The following MYO5A variants were observed in gnomAD, a reference collection of about 807,000 sequenced individuals.
MYO5A encodes myosin VA.
MYO5A carries 98 observed loss-of-function variants against 249.7 expected under a neutral mutation model. The ratio of observed to expected loss-of-function variants is 0.39; its 90% CI spans 0.33 to 0.46. MYO5A has a LOEUF of 0.46. Ranked by LOEUF, MYO5A falls within the 20% of genes least tolerant of loss-of-function variation. The probability of loss-of-function intolerance (pLI) is 0.98; values close to 1 mark genes in which losing one functional copy is unlikely to be tolerated. For missense variants in MYO5A, 1,696 were observed against 2,308.8 expected, an observed-to-expected ratio of 0.73 and a Z score of 5.44; for synonymous variants, 778 against 810.6, an observed-to-expected ratio of 0.96 and a Z score of 0.68.
rs769183740 is a variant in MYO5A, at chr15:52,351,492, A to T, written c.3622-11T>A. 5 of 1,612,176 alleles carry T rather than the reference A, an allele frequency of 3.1e-6. No homozygotes were observed. In the East Asian group the frequency reaches 6.7e-5, roughly 22 times the overall value. ...TTCTAGTTCTTGACGCTGTATGAAA[A>T]GACAAAGAAAAGTTCATTGCTGTCA... On this transcript the variant is annotated splice_polypyrimidine_tract_variant and intron_variant, in intron 27 of 41. Transcript: ENST00000399233.
intron 16 of MYO5A, among the ~76,000 whole-genome samples, chr15:52,382,561 A>G (rs1278175063): frequency 6.6e-6 from 1 of 152,196 alleles, no homozygotes; most frequent in South Asian, 2.1e-4. Flanking sequence ...AGAAGAGTGA[A>G]ACTCTATCTC....
intron 1 of MYO5A, among the ~76,000 whole-genome samples, chr15:52,450,020 C>T (rs778508633): frequency 1.1e-4 from 16 of 152,036 alleles, no homozygotes; most frequent in Non-Finnish European, 1.8e-4. Context: ...AAATTGAATT[C>T]AGGCTCAGGC....
intron 14 of MYO5A, among the ~76,000 whole-genome samples, chr15:52,385,574 A>T (rs115177602): frequency 0.015 from 2,207 of 149,742 alleles, 16 homozygotes; most frequent in Middle Eastern, 0.024. Flanking sequence ...ATATATATAT[A>T]TATTTTTTTA....
In MYO5A at chr15:52,512,153, A is replaced by T. The variant is rs528930559; in HGVS notation, c.27+16627T>A. On this transcript the variant is annotated intron_variant, in intron 1 of 41. Transcript: ENST00000399233. The stretch of plus-strand genomic sequence containing the variant: ...ACTCCAGCCTAGGCGACAGAGCAAG[A>T]CTGTCTCAAAAAAAAAAAAAAAAAA... Among the ~76,000 whole-genome samples, 96 of 143,046 alleles carry T rather than the reference A, an allele frequency of 6.7e-4. 1 individual carries two copies. The highest frequency in any genetic ancestry group is 2.3e-4 in the Non-Finnish European group (15 of 65,950). The allele number at this position is 143,046 out of a possible 152,430, so 93.8% of individuals were successfully genotyped here. A position where few individuals can be genotyped will look rare whatever the true frequency, so the allele number is the denominator to read the frequency against.
In MYO5A at chr15:52,312,954, T is replaced by C. The variant is rs958756189; in HGVS notation, c.*742A>G. The C allele has an allele frequency of 6.5e-6, 1 of 152,678 alleles. No individual in the cohort carries two copies. Among genetic ancestry groups the C allele is most frequent in the African/African-American group, 2.4e-5 (1 of 41,470 alleles). The allele number at this position is 152,678 out of a possible 1,614,324, so 9.5% of individuals were successfully genotyped here. A position where few individuals can be genotyped will look rare whatever the true frequency, so the allele number is the denominator to read the frequency against. On this transcript the variant is annotated 3_prime_UTR_variant, in exon 42 of 42. Transcript: ENST00000399233. ...GCAGGTGAATCTGTAGGTATTTGCA[T>C]ATAATCCAGTTAAAACTGTGATCTG...
chr15:52,320,968 G>A (rs1259475131), intron 38 of MYO5A, among the ~76,000 whole-genome samples: 1 of 151,272 alleles, frequency 6.6e-6, no homozygotes, highest in East Asian at 1.9e-4. Context: ...AGCTGAGATC[G>A]CGCCACTGCA....
chr15:52,489,283 G>A lies in MYO5A; in HGVS notation c.27+39497C>T, dbSNP rs188835082. On this transcript the variant is annotated intron_variant, in intron 1 of 41. Transcript: ENST00000399233. ...AATAAATTTAAAACCTCTCTGCATC[G>A]GCTGGGCGCGGTGGCTCATGCCTGT... is the stretch of plus-strand genomic sequence containing the variant. Among the ~76,000 whole-genome samples, 9 of 152,286 alleles carry A rather than the reference G, an allele frequency of 5.9e-5. No homozygotes were observed. In the East Asian group the frequency reaches 1.2e-3, roughly 20 times the overall value.
chr15:52,375,266 A>G, intron 20 of MYO5A, 38 bp downstream of exon 20: 1 of 1,608,778 alleles, frequency 6.2e-7, no homozygotes, highest in Non-Finnish European at 8.5e-7. Flanking sequence ...GGTTAATGCT[A>G]ATAGAATGAA....
intron 1 of MYO5A, among the ~76,000 whole-genome samples, chr15:52,478,446 T>C (rs1014538171): frequency 3.9e-5 from 6 of 152,094 alleles, no homozygotes; most frequent in African/African-American, 1.4e-4. Context: ...CAAGCCCCAG[T>C]GAGATGAACC....
At chr15:52,506,526 C>CAA (rs35101614) in intron 1 of MYO5A, among the ~76,000 whole-genome samples, 4 of 118,290 alleles carry the variant, frequency 3.4e-5, no homozygotes, top group African/African-American at 3.2e-5. Flanking sequence ...GACCCTTTCT[C>CAA]AAAAAAAAAA....
intron 25 of MYO5A, among the ~76,000 whole-genome samples, chr15:52,358,027 C>T (rs950357429): frequency 6.6e-6 from 1 of 152,144 alleles, no homozygotes; most frequent in Non-Finnish European, 1.5e-5. Flanking sequence ...TGTGAGAAAG[C>T]TTGACAGCAG....
intron 11 of MYO5A, among the ~76,000 whole-genome samples, chr15:52,394,995 T>A (rs2042422625): frequency 6.6e-6 from 1 of 152,256 alleles, no homozygotes; most frequent in African/African-American, 2.4e-5. Context: ...CTTAATTTGC[T>A]AAATAAAGAT....
chr15:52,435,362 C>T (rs986824488), intron 1 of MYO5A, among the ~76,000 whole-genome samples: 13 of 151,152 alleles, frequency 8.6e-5, no homozygotes, highest in African/African-American at 3.2e-4. Context: ...CTGCAACCTC[C>T]GCCTCCTGGG....
At chr15:52,519,624 AT>A (rs1595837679) in intron 1 of MYO5A, among the ~76,000 whole-genome samples, 1 of 150,498 alleles carries the variant, frequency 6.6e-6, no homozygotes, top group Admixed American at 6.6e-5. Flanking sequence ...AAAAATAATA[AT>A]AATAATAATA....
chr15:52,330,262 A>G (rs2038827528), intron 35 of MYO5A, 91 bp downstream of exon 35: 8 of 1,524,084 alleles, frequency 5.2e-6, no homozygotes, highest in Middle Eastern at 1.7e-4. Flanking sequence ...AATGAAACCT[A>G]CGCTGAATAT....
intron 9 of MYO5A, among the ~76,000 whole-genome samples, chr15:52,398,708 G>A (rs946965931): frequency 2.0e-5 from 3 of 152,186 alleles, no homozygotes; most frequent in African/African-American, 4.8e-5. Flanking sequence ...AGTGGGTCAG[G>A]CTGGGCGTGG....
chr15:52,367,262 C>T (rs766716575), intron 22 of MYO5A, 138 bp from the exon 23 acceptor site: 9 of 772,584 alleles, frequency 1.2e-5, no homozygotes, highest in Non-Finnish European at 2.0e-5. Flanking sequence ...TGTCTAGTCA[C>T]CTTACAAACT....
At chr15:52,335,438 C>T (rs1487250752) in intron 34 of MYO5A, among the ~76,000 whole-genome samples, 2 of 149,424 alleles carry the variant, frequency 1.3e-5, no homozygotes, top group African/African-American at 5.0e-5. Flanking sequence ...ATTGCTTGAA[C>T]CCGGGAAGCA....
chr15:52,318,554 T>C (rs1159860880), intron 39 of MYO5A, among the ~76,000 whole-genome samples: 3 of 152,118 alleles, frequency 2.0e-5, no homozygotes, highest in Admixed American at 2.0e-4. Flanking sequence ...GCAGCTTTTC[T>C]TAAAATATAG....
Sources: gnomAD v4.1 joint callset for allele counts (sites outside exome capture counted in the v4.1 genomes callset) on GRCh38, gnomAD v4.1.1 for gene constraint, MANE v1.5 for transcripts, NCBI Gene and HGNC (gene_info 2026-07-23, HGNC 2026-07-21) for gene names.